The following NBPF12 variants were observed in gnomAD, a reference collection of about 807,000 sequenced individuals.
The protein encoded by NBPF12 is NBPF family member NBPF12.
A neutral mutation model predicts 146.4 loss-of-function variants in NBPF12; 115 were observed. The observed-to-expected ratio is 0.79, with a 90% CI of 0.68 to 0.92. The LOEUF (loss-of-function observed/expected upper bound fraction) is 0.92, where lower values mean the gene tolerates loss of function less well. Ranked by LOEUF, NBPF12 falls within the 40% of genes least tolerant of loss-of-function variation. The pLI is 0.00. For missense variants in NBPF12, 1,205 were observed against 1,326.8 expected (o/e 0.91, Z 1.43); for synonymous variants, 385 against 508.9 (o/e 0.76, Z 3.28).
At chr1:146,960,997 G>C (rs1434926564) in intron 4 of NBPF12, among the ~76,000 whole-genome samples, 8 of 151,996 alleles carry the variant, frequency 5.3e-5, no homozygotes, top group Non-Finnish European at 1.2e-4. Context: ...AATACAAAAA[G>C]TAGATGGGCG....
chr1:146,975,118 C>A lies in NBPF12; in HGVS notation c.1904+277C>A, dbSNP rs1339837596. The stretch of plus-strand genomic sequence containing the variant: ...CAAAATTAACCAAAGGAGTGTGAAC[C>A]ACACAGCAGCATTCAGTATACTCAA... On this transcript the variant is annotated intron_variant, in intron 15 of 33. Transcript: ENST00000617844. Among the ~76,000 whole-genome samples, 211 of 129,144 alleles carry A rather than the reference C, an allele frequency of 1.6e-3. 29 individuals carry two copies. The highest frequency in any genetic ancestry group is 6.4e-3 in the African/African-American group (201 of 31,174). 84.7% of individuals were successfully genotyped at this position (129,144 alleles called of 152,430 possible). A position where few individuals can be genotyped will look rare whatever the true frequency, so the allele number is the denominator to read the frequency against.
chr1:146,976,990 G>A (rs1657078275), exon 17 of NBPF12: 15 of 718,938 alleles, frequency 2.1e-5, no homozygotes, highest in South Asian at 1.5e-4. Context: ...TGCAGAAATC[G>A]TCTTCCCCCA....
chr1:146,965,507 G>A (rs1163394210), intron 8 of NBPF12, among the ~76,000 whole-genome samples: 4 of 151,036 alleles, frequency 2.6e-5, no homozygotes, highest in African/African-American at 9.8e-5. Context: ...TCTTGGCTGG[G>A]CACAGTGGGT....
intron 11 of NBPF12, among the ~76,000 whole-genome samples, chr1:146,970,190 C>G (rs1258276263): frequency 4.7e-5 from 7 of 150,366 alleles, no homozygotes; most frequent in Non-Finnish European, 1.0e-4. Flanking sequence ...ATAGAATGTC[C>G]CTGAATAACA....
At chr1:146,964,471 A>T (rs1656062933) in intron 7 of NBPF12, 42 bp downstream of exon 10, 2 of 1,594,882 alleles carry the variant, frequency 1.3e-6, no homozygotes, top group Non-Finnish European at 1.7e-6. Context: ...GTGGTAACAT[A>T]TGAAAATGTC....
exon 34 of NBPF12, chr1:146,994,468 G>A (rs782508697): frequency 1.2e-6 from 2 of 1,610,888 alleles, no homozygotes; most frequent in Non-Finnish European, 1.7e-6. Flanking sequence ...TTACTCATTT[G>A]AGGAACAGCA....
At chr1:146,978,091 A>G (rs1473491628) in intron 18 of NBPF12, among the ~76,000 whole-genome samples, 4 of 151,582 alleles carry the variant, frequency 2.6e-5, no homozygotes, top group Non-Finnish European at 5.9e-5. Flanking sequence ...CTCAGCTTTC[A>G]TCTGGATCTC....
chr1:146,941,758 C>CAAAAA (rs1226007703), intron 1 of NBPF12, among the ~76,000 whole-genome samples: 2 of 61,828 alleles, frequency 3.2e-5, no homozygotes, highest in African/African-American at 1.3e-4. Flanking sequence ...TGTCTTGTAC[C>CAAAAA]AAAAAAAAAA....
chr1:146,989,674 C>CCATG lies in NBPF12; in HGVS notation c.3501_3504dup (p.Gln1169MetfsTer21). ...TTCAGTTTATCTTGGACTGACTGACCCATGCCAGCCCTACAGAAGTGCCTT... is the reference window on the plus strand; with the variant it reads ...TTCAGTTTATCTTGGACTGACTGACCCATGCATGCCAGCCCTACAGAAGTGCCTT... On this transcript the variant is annotated frameshift_variant, in exon 28 of 34. Coordinates refer to ENST00000617844, the Ensembl canonical transcript of NBPF12. LOFTEE classifies it high-confidence loss of function. 6.2e-7 allele frequency: 1 copy of CCATG among 1,610,594 alleles called. No homozygotes were observed. The highest frequency in any genetic ancestry group is 8.5e-7 in the Non-Finnish European group (1 of 1,178,060).
chr1:146,962,905 C>G (rs1470161810), intron 5 of NBPF12, among the ~76,000 whole-genome samples, 190 bp from the exon 9 acceptor site: 1 of 151,250 alleles, frequency 6.6e-6, no homozygotes, highest in Non-Finnish European at 1.5e-5. Context: ...CAGGAGCCCT[C>G]TCTGATAGAG....
chr1:146,963,737 T>G (rs1346163023), intron 6 of NBPF12, among the ~76,000 whole-genome samples: 1 of 148,048 alleles, frequency 6.8e-6, no homozygotes, highest in Non-Finnish European at 1.5e-5. Context: ...GACAAATTGT[T>G]TCTTGCAAGG....
chr1:146,938,625 C>G (rs1238669991), upstream of NBPF12: 1 of 148,500 alleles, frequency 6.7e-6, no homozygotes, highest in Admixed American at 6.6e-5. Context: ...AGCTGCGCTC[C>G]GTCCTCCATT....
chr1:146,939,484 A>G (rs1235308876), intron 1 of NBPF12, among the ~76,000 whole-genome samples: 24 of 151,924 alleles, frequency 1.6e-4, no homozygotes, highest in African/African-American at 5.3e-4. Context: ...GAGCGTTTGT[A>G]GCGATCACTG....
At chr1:146,946,934 A>G (rs1254161133), upstream of NBPF12, among the ~76,000 whole-genome samples, 38 of 152,098 alleles carry the variant, frequency 2.5e-4, no homozygotes, top group South Asian at 7.9e-3. Context: ...TGGAAAGGCT[A>G]TCTTTGCTGT....
At chr1:146,985,404 A>AT (rs1275438633) in intron 22 of NBPF12, among the ~76,000 whole-genome samples, 1 of 146,860 alleles carries the variant, frequency 6.8e-6, no homozygotes, top group Non-Finnish European at 1.5e-5. Flanking sequence ...CCTAGCAACC[A>AT]TTTGGGGGCA....
intron 5 of NBPF12, 82 bp from the exon 9 acceptor site, chr1:146,963,013 G>T: frequency 2.7e-6 from 4 of 1,459,840 alleles, no homozygotes; most frequent in Non-Finnish European, 3.8e-6. Flanking sequence ...TGAGAACATT[G>T]TCTCAGAAAT....
intron 13 of NBPF12, 97 bp from the exon 17 acceptor site, chr1:146,972,654 G>A: frequency 1.9e-6 from 2 of 1,050,752 alleles, no homozygotes; most frequent in South Asian, 1.3e-5. Context: ...CTTCAAATAA[G>A]TAGACAAGGC....
intron 19 of NBPF12, among the ~76,000 whole-genome samples, chr1:146,980,727 C>T (rs1162479448): frequency 6.7e-6 from 1 of 150,110 alleles, no homozygotes; most frequent in Non-Finnish European, 1.5e-5. Flanking sequence ...TGTGGCAATT[C>T]CTCAGGGATC....
At chr1:146,960,778 G>T (rs1224974687) in intron 4 of NBPF12, among the ~76,000 whole-genome samples, 10 of 152,002 alleles carry the variant, frequency 6.6e-5, no homozygotes, top group Non-Finnish European at 1.5e-4. Flanking sequence ...ATAGTACCCA[G>T]TACCTGCTCT....
Sources: allele counts gnomAD v4.1 joint callset (sites outside exome capture counted in the v4.1 genomes callset), GRCh38; gene constraint gnomAD v4.1.1; transcripts MANE v1.5; gene names NCBI Gene and HGNC (gene_info 2026-07-23, HGNC 2026-07-21).